Variants in WWOX observed in about 807,000 individuals in gnomAD.
WWOX encodes the protein WW domain-containing oxidoreductase.
A neutral mutation model predicts 46.2 loss-of-function variants in WWOX; 69 were observed. The observed-to-expected ratio is 1.49, with a 90% CI of 1.23 to 1.82. The LOEUF (loss-of-function observed/expected upper bound fraction) is 1.82, where lower values mean the gene tolerates loss of function less well. Among genes scored for constraint, WWOX ranks in the 40% most tolerant of loss-of-function variants. The pLI is 0.00. For missense variants in WWOX, 919 were observed against 542.6 expected, an observed-to-expected ratio of 1.69 and a Z score of -6.89; for synonymous variants, 359 against 202.6, an observed-to-expected ratio of 1.77 and a Z score of -6.56.
At chr16:79,113,819 C>T (rs768402768) in intron 8 of WWOX, among the ~76,000 whole-genome samples, 1 of 152,192 alleles carries the variant, frequency 6.6e-6, no homozygotes, top group Non-Finnish European at 1.5e-5. Flanking sequence ...ACATTAAACA[C>T]CAGATGCGAA....
At chr16:78,205,723 C>T (rs2036368263) in intron 5 of WWOX, among the ~76,000 whole-genome samples, 1 of 152,088 alleles carries the variant, frequency 6.6e-6, no homozygotes, top group Admixed American at 6.6e-5. Context: ...ATGCATCCTT[C>T]CTTCGTTGTT....
rs112976155 is a variant in WWOX, at chr16:78,783,265, C to T, written c.1056+350513C>T. 6.6e-5 allele frequency among the ~76,000 whole-genome samples: 10 copies of T among 152,326 alleles called. 2 individuals carry two copies. The highest frequency in any genetic ancestry group is 1.9e-4 in the African/African-American group (8 of 41,564). On this transcript the variant is annotated intron_variant, in intron 8 of 8. Coordinates refer to ENST00000566780, the MANE Select transcript of WWOX (RefSeq NM_016373.4). ...CAGACATTTAGATTTCAACAGGCTC[C>T]TGTTAAGCTCTCCTTACAGTGTGTG...
rs2047314486 is a variant in WWOX at position 79,011,737 on chromosome 16, C to G, written c.1057-199871C>G. Among the ~76,000 whole-genome samples, 5 of 152,166 alleles carry G rather than the reference C, an allele frequency of 3.3e-5. No homozygotes were observed. The South Asian group carries it at 1.0e-3, about 32-fold the overall frequency. On this transcript the variant is annotated intron_variant, in intron 8 of 8. Transcript: ENST00000566780. ...CAAACTCCTGGGCTCAAGCTATTCA[C>G]CTGCTTTGGCCTCCCAAAGTGCTGG... is the stretch of plus-strand genomic sequence containing the variant.
intron 8 of WWOX, among the ~76,000 whole-genome samples, chr16:78,768,935 G>C (rs2049993431): frequency 6.6e-6 from 1 of 152,168 alleles, no homozygotes. Context: ...GAGGAGGACG[G>C]TTTCCATTCT....
At chr16:78,772,976 C>T (rs939534022) in intron 8 of WWOX, among the ~76,000 whole-genome samples, 1 of 152,142 alleles carries the variant, frequency 6.6e-6, no homozygotes, top group Non-Finnish European at 1.5e-5. Context: ...AGAAAGCTGT[C>T]ATCATGCCGC....
chr16:78,768,863 A>G (rs1395359574), intron 8 of WWOX, among the ~76,000 whole-genome samples: 1 of 152,084 alleles, frequency 6.6e-6, no homozygotes, highest in Non-Finnish European at 1.5e-5. Flanking sequence ...GAGAAAGGAG[A>G]GCATGACCCG....
intron 8 of WWOX, among the ~76,000 whole-genome samples, chr16:78,965,388 G>A (rs1363086033): frequency 6.6e-6 from 1 of 152,044 alleles, no homozygotes; most frequent in Non-Finnish European, 1.5e-5. Context: ...GGTCAACATG[G>A]TGAAACCCCA....
chr16:78,524,849 G>T (rs375921350), intron 8 of WWOX, among the ~76,000 whole-genome samples: 3 of 126,872 alleles, frequency 2.4e-5, no homozygotes, highest in African/African-American at 2.9e-5. Flanking sequence ...AGAATGCGTT[G>T]ATTTTGTTTT....
chr16:78,958,015 G>A (rs951051790), intron 8 of WWOX, among the ~76,000 whole-genome samples: 5 of 152,128 alleles, frequency 3.3e-5, no homozygotes, highest in African/African-American at 1.2e-4. Flanking sequence ...TTTTCCCAAG[G>A]CCACATGAGC....
intron 8 of WWOX, among the ~76,000 whole-genome samples, chr16:78,702,991 C>A (rs1597465373): frequency 6.6e-6 from 1 of 152,138 alleles, no homozygotes; most frequent in Admixed American, 6.6e-5. Context: ...GGATAACTCT[C>A]CGCTCCCTTT....
At chr16:78,542,748 A>G (rs369284607) in intron 8 of WWOX, among the ~76,000 whole-genome samples, 3 of 152,346 alleles carry the variant, frequency 2.0e-5, no homozygotes, top group South Asian at 2.1e-4. Context: ...TCATAATTCA[A>G]TGAATGCATT....
chr16:78,399,439 GAGGGCTTCTGTTAAGAGTA>G lies in WWOX; in HGVS notation c.605+12500_605+12518del, dbSNP rs565112210. ...CAAGGAATCTATGAACCTTAAGAGT[GAGGGCTTCTGTTAAGAGTA>G]AGGGCTTCCCTGGAGTGGACATGGA... On this transcript the variant is annotated intron_variant, in intron 6 of 8. Coordinates refer to ENST00000566780, the MANE Select transcript of WWOX (RefSeq NM_016373.4). Among the ~76,000 whole-genome samples, 1,137 of 152,294 alleles carry G rather than the reference GAGGGCTTCTGTTAAGAGTA, an allele frequency of 7.5e-3. 10 individuals are homozygous for G. Among genetic ancestry groups the G allele is most frequent in the South Asian group, 0.016 (76 of 4,828 alleles).
rs16947928 is a variant in WWOX, at chr16:78,524,059, A to G, written c.1056+91307A>G. Among the ~76,000 whole-genome samples the G allele has an allele frequency of 9.0e-3, 1,375 of 152,314 alleles. 18 individuals are homozygous for G. The highest frequency in any genetic ancestry group is 0.028 in the African/African-American group (1,180 of 41,574). On this transcript the variant is annotated intron_variant, in intron 8 of 8. Coordinates refer to ENST00000566780, the MANE Select transcript of WWOX (RefSeq NM_016373.4). ...CTTTCATTAAATTGTGGTGATTCCA[A>G]TGTGAGTGGTTATCAAGTCAACATC...
chr16:79,075,419 C>A (rs1597350854), intron 8 of WWOX, among the ~76,000 whole-genome samples: 1 of 152,166 alleles, frequency 6.6e-6, no homozygotes, highest in African/African-American at 2.4e-5. Flanking sequence ...GTCTTTTTCC[C>A]CTATACCTAA....
intron 8 of WWOX, among the ~76,000 whole-genome samples, chr16:78,864,308 C>T (rs1159394524): frequency 2.0e-5 from 3 of 151,492 alleles, no homozygotes; most frequent in Non-Finnish European, 4.4e-5. Flanking sequence ...GCTCTGTTGC[C>T]CAGGCTGGAG....
At chr16:79,022,806 T>C (rs923868377) in intron 8 of WWOX, among the ~76,000 whole-genome samples, 1 of 152,202 alleles carries the variant, frequency 6.6e-6, no homozygotes, top group Non-Finnish European at 1.5e-5. Flanking sequence ...CCAGGGATGA[T>C]GGAAAAGGCA....
chr16:78,190,528 C>T (rs778735618), intron 5 of WWOX, among the ~76,000 whole-genome samples: 1 of 152,152 alleles, frequency 6.6e-6, no homozygotes, highest in Non-Finnish European at 1.5e-5. Flanking sequence ...CCCGACCGAC[C>T]CCATGATGGC....
chr16:78,901,911 C>T (rs1435101195), intron 8 of WWOX, among the ~76,000 whole-genome samples: 6 of 152,200 alleles, frequency 3.9e-5, no homozygotes, highest in South Asian at 2.1e-4. Context: ...AAGTGAGGGG[C>T]GTCCCTCCGC....
intron 8 of WWOX, among the ~76,000 whole-genome samples, chr16:79,146,041 T>A (rs1448068388): frequency 6.6e-6 from 1 of 152,218 alleles, no homozygotes; most frequent in Admixed American, 6.5e-5. Context: ...CCCTTAGTTC[T>A]TTGATAACAT....
Sources: allele counts gnomAD v4.1 joint callset (sites outside exome capture counted in the v4.1 genomes callset), GRCh38; gene constraint gnomAD v4.1.1; transcripts MANE v1.5; gene names NCBI Gene and HGNC (gene_info 2026-07-23, HGNC 2026-07-21).